The following CAMKK2 variants were observed in gnomAD, a reference collection of about 807,000 sequenced individuals.
CAMKK2 encodes calcium/calmodulin dependent protein kinase kinase 2.
CAMKK2 carries 30 observed loss-of-function variants against 67.2 expected under a neutral mutation model. That is an observed-to-expected ratio of 0.45 (90% confidence interval 0.33 to 0.61). The LOEUF (loss-of-function observed/expected upper bound fraction) is 0.61, where lower values mean the gene tolerates loss of function less well. Among genes scored for constraint, CAMKK2 ranks in the 20% least tolerant of loss-of-function variants. The pLI is 0.02. For synonymous variants in CAMKK2, 322 were observed against 326.2 expected (o/e 0.99, Z 0.14); for missense variants, 643 against 802.0 (o/e 0.80, Z 2.39).
intron 1 of CAMKK2, 34 bp from the exon 2 acceptor site, chr12:121,274,619 C>T: frequency 1.2e-6 from 1 of 849,696 alleles, no homozygotes. Context: ...TGGCCCAGCT[C>T]CTACGGGCAG....
chr12:121,262,975 T>A (rs1234885732), intron 6 of CAMKK2, among the ~76,000 whole-genome samples: 1 of 151,132 alleles, frequency 6.6e-6, no homozygotes, highest in South Asian at 2.1e-4. Flanking sequence ...CAAAAAAAGT[T>A]TTTTTTTTTA....
chr12:121,282,850 G>A (rs772014247), intron 1 of CAMKK2, among the ~76,000 whole-genome samples: 1 of 152,260 alleles, frequency 6.6e-6, no homozygotes, highest in African/African-American at 2.4e-5. Flanking sequence ...CGCCTCCCAA[G>A]TTCAAGTGCT....
At chr12:121,252,520 A>G in intron 11 of CAMKK2, 141 bp downstream of exon 11, 1 of 508,740 alleles carries the variant, frequency 2.0e-6, no homozygotes, top group Non-Finnish European at 3.4e-6. Flanking sequence ...AGCCTCCCAA[A>G]GTGCTGGGTT....
chr12:121,271,191 C>T lies in CAMKK2; in HGVS notation c.472-246G>A, dbSNP rs568676977. 1.2e-4 allele frequency among the ~76,000 whole-genome samples: 18 copies of T among 150,914 alleles called. No homozygotes were observed. In the East Asian group the frequency reaches 2.9e-3, roughly 24 times the overall value. On this transcript the variant is annotated intron_variant, in intron 2 of 16. Coordinates refer to ENST00000404169, the MANE Select transcript of CAMKK2 (RefSeq NM_001270485.2). The stretch of plus-strand genomic sequence containing the variant: ...TCAGGAGGCTGAGGCACGAGAATCG[C>T]GTGAGCCCAGGAGGTGGAGGTTGCT...
rs914776947 is a variant in CAMKK2, at chr12:121,285,301, G to A, written c.-59-10716C>T. On this transcript the variant is annotated intron_variant, in intron 1 of 16. Transcript: ENST00000404169. This position sits in a 1 kb window ranked among gnomAD's most constrained non-coding sequence, Gnocchi z 4.1. ...ACAGATCACTTGAGGCCAGGAGTTC[G>A]AGACCAGCCTAGCCAACATGGTGAA... Among the ~76,000 whole-genome samples, 3 of 152,190 alleles carry A rather than the reference G, an allele frequency of 2.0e-5. No individual in the cohort carries two copies. Among genetic ancestry groups the A allele is most frequent in the Admixed American group, 1.3e-4 (2 of 15,282 alleles).
At chr12:121,277,448 A>T (rs550813508) in intron 1 of CAMKK2, among the ~76,000 whole-genome samples, 3 of 152,238 alleles carry the variant, frequency 2.0e-5, no homozygotes, top group African/African-American at 7.2e-5. Context: ...TCATAGCAAC[A>T]TCATTCACAA....
intron 1 of CAMKK2, among the ~76,000 whole-genome samples, chr12:121,280,477 G>A (rs559717255): frequency 6.4e-4 from 98 of 152,314 alleles, no homozygotes; most frequent in Non-Finnish European, 9.7e-4. Context: ...AAAAGAACAG[G>A]ATAACAGCAA....
intron 5 of CAMKK2, among the ~76,000 whole-genome samples, chr12:121,264,667 G>A (rs1029548340): frequency 5.3e-5 from 8 of 152,088 alleles, no homozygotes; most frequent in Admixed American, 2.0e-4. Flanking sequence ...CCAGCTACTG[G>A]GGAGGCTGAG....
chr12:121,287,123 C>T (rs930209471), intron 1 of CAMKK2, among the ~76,000 whole-genome samples: 1 of 152,182 alleles, frequency 6.6e-6, no homozygotes, highest in Middle Eastern at 3.4e-3. Context: ...CCAGGCTGTT[C>T]TCAAACTCCT....
chr12:121,243,350 T>C (rs1412673647), intron 16 of CAMKK2, among the ~76,000 whole-genome samples: 2 of 122,510 alleles, frequency 1.6e-5, no homozygotes, highest in Non-Finnish European at 3.4e-5. Context: ...ATCCATTTCA[T>C]CTCGTAAGCC....
chr12:121,263,761 C>G, intron 6 of CAMKK2, 45 bp downstream of exon 6: 1 of 1,552,464 alleles, frequency 6.4e-7, no homozygotes, highest in South Asian at 1.2e-5. Context: ...TGGGTATTAA[C>G]AAAGCCAGGG....
intron 7 of CAMKK2, among the ~76,000 whole-genome samples, chr12:121,259,831 T>G (rs1893067994): frequency 1.3e-5 from 2 of 152,140 alleles, no homozygotes; most frequent in Admixed American, 1.3e-4. Flanking sequence ...TGTCAATATA[T>G]ACATGCTTTG....
intron 1 of CAMKK2, among the ~76,000 whole-genome samples, chr12:121,290,698 C>CA (rs1213804119): frequency 4.6e-5 from 7 of 152,164 alleles, no homozygotes; most frequent in Admixed American, 2.0e-4. Flanking sequence ...TCAAAACACA[C>CA]AAAAAATCAT....
At chr12:121,257,734 T>C (rs911124997) in intron 7 of CAMKK2, among the ~76,000 whole-genome samples, 2 of 152,124 alleles carry the variant, frequency 1.3e-5, no homozygotes, top group South Asian at 2.1e-4. Flanking sequence ...CTTCAGGCTG[T>C]AGTTAAAAAC....
chr12:121,287,662 T>A (rs1899027612), intron 1 of CAMKK2, among the ~76,000 whole-genome samples: 1 of 152,208 alleles, frequency 6.6e-6, no homozygotes, highest in African/African-American at 2.4e-5. Flanking sequence ...AGTCACGCAG[T>A]CAGACATCTA....
At chr12:121,293,683 C>T (rs1004614412) in intron 1 of CAMKK2, among the ~76,000 whole-genome samples, 2 of 151,820 alleles carry the variant, frequency 1.3e-5, no homozygotes, top group African/African-American at 4.8e-5. Context: ...GCACAAAGTT[C>T]CCTGCTAGGT....
At chr12:121,294,182 C>T (rs891377598) in intron 1 of CAMKK2, among the ~76,000 whole-genome samples, 34 of 152,308 alleles carry the variant, frequency 2.2e-4, no homozygotes, top group African/African-American at 7.9e-4. Flanking sequence ...ATCCTCCTGC[C>T]TCGGCCTCCC....
At chr12:121,263,462 CAT>C (rs1893885984) in intron 6 of CAMKK2, among the ~76,000 whole-genome samples, 2 of 152,090 alleles carry the variant, frequency 1.3e-5, no homozygotes, top group Non-Finnish European at 2.9e-5. Context: ...TTGTTTACAT[CAT>C]GTGTGTGGCT....
intron 7 of CAMKK2, among the ~76,000 whole-genome samples, chr12:121,256,332 T>A (rs999814173): frequency 3.9e-5 from 6 of 152,124 alleles, no homozygotes; most frequent in African/African-American, 1.4e-4. Flanking sequence ...TGAGCCAAGA[T>A]TGCACCCCTG....
Sources: gnomAD v4.1 joint callset for allele counts (sites outside exome capture counted in the v4.1 genomes callset) on GRCh38, gnomAD v4.1.1 for gene constraint, Gnocchi (gnomAD v3.1) non-coding constraint, MANE v1.5 for transcripts, NCBI Gene and HGNC (gene_info 2026-07-23, HGNC 2026-07-21) for gene names.